The following SCCPDH variants were observed in gnomAD, a reference collection of about 807,000 sequenced individuals.
SCCPDH encodes the protein saccharopine dehydrogenase (putative).
SCCPDH carries 34 observed loss-of-function variants against 51.5 expected under a neutral mutation model. That is an observed-to-expected ratio of 0.66 (90% CI 0.50 to 0.88). SCCPDH has a LOEUF of 0.88. Among genes scored for constraint, SCCPDH ranks in the 40% least tolerant of loss-of-function variants. SCCPDH has a pLI of 0.00. For synonymous variants in SCCPDH, 187 were observed against 191.3 expected (o/e 0.98, Z 0.19); for missense variants, 464 against 527.1 (o/e 0.88, Z 1.17).
At chr1:246,739,201 G>T (rs141489748) in intron 3 of SCCPDH, among the ~76,000 whole-genome samples, 6 of 152,258 alleles carry the variant, frequency 3.9e-5, no homozygotes, top group Middle Eastern at 3.4e-3. Context: ...GAAACCTGGT[G>T]AACACTGCCT....
In SCCPDH at chr1:246,724,443, T is replaced by C; in HGVS notation, c.21T>C (p.Pro7=). The change falls in exon 1 of 12, where the codon CCT becomes CCC. Residue 7 remains proline, a synonymous_variant. Transcript: ENST00000366510. Reference sequence around the variant, plus strand: ...TCGTCATGGCGACCGAGCAGAGGCCTTTCCACCTGGTGGTGTTCGGCGCGT... The same window carrying C: ...TCGTCATGGCGACCGAGCAGAGGCCCTTCCACCTGGTGGTGTTCGGCGCGT... MATEQR[P]FHLVVFGASG... is the part of the protein sequence containing the mutation. The C allele has an allele frequency of 1.3e-6, 2 of 1,585,564 alleles. No individual in the cohort carries two copies. The highest frequency in any genetic ancestry group is 1.4e-5 in the African/African-American group (1 of 71,930).
chr1:246,725,468 T>A (rs1205505226), intron 1 of SCCPDH, among the ~76,000 whole-genome samples: 1 of 149,734 alleles, frequency 6.7e-6, no homozygotes, highest in Non-Finnish European at 1.5e-5. Flanking sequence ...CTCCGTAGCC[T>A]TTAAATTTGG....
intron 5 of SCCPDH, among the ~76,000 whole-genome samples, chr1:246,748,421 G>A (rs1668795671): frequency 6.6e-6 from 1 of 152,192 alleles, no homozygotes; most frequent in Non-Finnish European, 1.5e-5. Context: ...GGGTAGTGTT[G>A]TTTGGGATTA....
chr1:246,767,468 C>G lies in SCCPDH; in HGVS notation c.*168C>G. 2.4e-6 allele frequency: 1 copy of G among 409,212 alleles called. No homozygotes were observed. The highest frequency in any genetic ancestry group is 4.3e-6 in the Non-Finnish European group (1 of 232,704). 25.3% of individuals were successfully genotyped at this position (409,212 alleles called of 1,614,324 possible). On this transcript the variant is annotated 3_prime_UTR_variant, in exon 12 of 12. Coordinates refer to ENST00000366510, the MANE Select transcript of SCCPDH (RefSeq NM_016002.3). ...AATTGTCCTAGCTTACCCTAAATTT[C>G]AAATCTGAGTTGATTTTGTGATTTT...
chr1:246,747,109 T>A (rs540511413), intron 5 of SCCPDH, among the ~76,000 whole-genome samples: 66 of 152,324 alleles, frequency 4.3e-4, no homozygotes, highest in African/African-American at 1.6e-3. Context: ...ATCTAGATGT[T>A]CAAATGATAC....
intron 5 of SCCPDH, among the ~76,000 whole-genome samples, chr1:246,745,814 AGAAG>A (rs1293096560): frequency 6.6e-6 from 1 of 152,202 alleles, no homozygotes. Context: ...ACCGAGTTAA[AGAAG>A]GAAGGGCTGG....
chr1:246,757,142 G>A (rs948923517), intron 5 of SCCPDH, among the ~76,000 whole-genome samples: 1 of 152,182 alleles, frequency 6.6e-6, no homozygotes, highest in Admixed American at 6.5e-5. Context: ...TCAGAAGTTC[G>A]AGACCAGCCT....
At chr1:246,728,947 TAAAGAG>T (rs905920153) in intron 2 of SCCPDH, among the ~76,000 whole-genome samples, 10 of 152,124 alleles carry the variant, frequency 6.6e-5, no homozygotes, top group African/African-American at 2.2e-4. Flanking sequence ...GTCTGAGAAA[TAAAGAG>T]AAAGAGTACA....
Position 246,767,352 on chromosome 1 carries a change from T to G in SCCPDH, c.*52T>G. On this transcript the variant is annotated 3_prime_UTR_variant, in exon 12 of 12. Transcript: ENST00000366510. ...AACGTGCGTGAATTAACAGCTTCTC[T>G]ATTTGATATTTGAAATTCTTCTGTA... The G allele has an allele frequency of 2.0e-6, 2 of 1,023,982 alleles. No homozygotes were observed. Among genetic ancestry groups the G allele is most frequent in the Non-Finnish European group, 2.8e-6 (2 of 718,976 alleles). 63.4% of individuals were successfully genotyped at this position (1,023,982 alleles called of 1,614,324 possible).
chr1:246,760,065 C>T lies in SCCPDH; in HGVS notation c.922C>T (p.Leu308Phe). ...FFVRFGIGRQ[L>F]LIKFPWFFSF... ...TGTGAGGTTTGGAATTGGAAGGCAA[C>T]TTCTCATAAAAGTAAGTAAGATTTT... Residue 308 changes from leucine to phenylalanine, a missense_variant, in exon 8 of 12, where the codon CTT becomes TTT. Physicochemically the swap from Leu to Phe is conservative, Grantham distance 22. Transcript: ENST00000366510. 1 of 1,611,766 alleles carries T rather than the reference C, an allele frequency of 6.2e-7. No homozygotes were observed. Among genetic ancestry groups the T allele is most frequent in the East Asian group, 2.2e-5 (1 of 44,826 alleles).
intron 2 of SCCPDH, among the ~76,000 whole-genome samples, chr1:246,728,989 T>G (rs1456795461): frequency 6.6e-6 from 1 of 152,222 alleles, no homozygotes; most frequent in African/African-American, 2.4e-5. Flanking sequence ...GCTGGGCCTC[T>G]GGGGGTGACA....
chr1:246,738,509 C>CAA (rs112316148), intron 3 of SCCPDH, among the ~76,000 whole-genome samples: 1 of 122,544 alleles, frequency 8.2e-6, no homozygotes, highest in African/African-American at 3.0e-5. Context: ...GACTCCGTCT[C>CAA]AAAAAAAAAA....
intron 2 of SCCPDH, among the ~76,000 whole-genome samples, chr1:246,733,186 A>G (rs1668517274): frequency 6.6e-6 from 1 of 152,070 alleles, no homozygotes; most frequent in Non-Finnish European, 1.5e-5. Flanking sequence ...TCCTGGGCTC[A>G]AGGGATCTTC....
At position 246,744,121 on chromosome 1, in the gene SCCPDH, C is replaced by T; in HGVS notation, c.560C>T (p.Pro187Leu). 1 of 1,595,484 alleles carries T rather than the reference C, an allele frequency of 6.3e-7. No homozygotes were observed. Among genetic ancestry groups the T allele is most frequent in the Middle Eastern group, 1.7e-4 (1 of 6,016 alleles). Residue 187 changes from proline (P) to leucine (L), a missense_variant, in exon 5 of 12, where the codon CCT (proline) becomes CTT (leucine). By Grantham distance (98) the Pro-to-Leu change is moderately conservative (BLOSUM62 -3). Transcript: ENST00000366510. Reference sequence around the variant, plus strand: ...AGTTTCCTGACTATACATTCAGGACCTGAGGTTGGTTTTTTGGTTTGTCTT... The same window carrying T: ...AGTTTCCTGACTATACATTCAGGACTTGAGGTTGGTTTTTTGGTTTGTCTT... ...VESFLTIHSGPEGLSIHDGTW... is the reference protein window; with the variant it reads ...VESFLTIHSGLEGLSIHDGTW...
rs180800546 is a variant in SCCPDH, at chr1:246,747,346, G to A, written c.564+3221G>A. ...TCTTAAGCCAGTTGATGTGACCTGG[G>A]GTAATAGAGTGTGAACCCAGAAAAT... On this transcript the variant is annotated intron_variant, in intron 5 of 11. Coordinates refer to ENST00000366510, the MANE Select transcript of SCCPDH (RefSeq NM_016002.3). Among the ~76,000 whole-genome samples the A allele has an allele frequency of 2.4e-3, 367 of 152,200 alleles. 1 individual carries two copies. Among genetic ancestry groups the A allele is most frequent in the African/African-American group, 8.2e-3 (342 of 41,506 alleles).
intron 9 of SCCPDH, among the ~76,000 whole-genome samples, chr1:246,762,545 A>G (rs2102991095): frequency 6.6e-6 from 1 of 152,314 alleles, no homozygotes; most frequent in East Asian, 1.9e-4. Flanking sequence ...CTGAGATTTC[A>G]TATATCAGAA....
At chr1:246,725,967 C>G (rs1668392025) in intron 1 of SCCPDH, among the ~76,000 whole-genome samples, 1 of 152,118 alleles carries the variant, frequency 6.6e-6, no homozygotes, top group Non-Finnish European at 1.5e-5. Context: ...TGTTTGTTTG[C>G]CATTCTCCTG....
chr1:246,738,169 C>T (rs1668625947), intron 3 of SCCPDH, among the ~76,000 whole-genome samples: 1 of 152,052 alleles, frequency 6.6e-6, no homozygotes, highest in Admixed American at 6.5e-5. Context: ...GCACTCCAGC[C>T]TGGGCAACAG....
intron 2 of SCCPDH, among the ~76,000 whole-genome samples, chr1:246,730,761 A>G (rs950406990): frequency 1.3e-5 from 2 of 152,168 alleles, no homozygotes; most frequent in Non-Finnish European, 2.9e-5. Context: ...ACTGGGTTAG[A>G]AGATGGAACT....
Sources: allele counts gnomAD v4.1 joint callset (sites outside exome capture counted in the v4.1 genomes callset), GRCh38; gene constraint gnomAD v4.1.1; transcripts MANE v1.5; gene names NCBI Gene and HGNC (gene_info 2026-07-23, HGNC 2026-07-21).